The following IL16 variants were observed in gnomAD, a reference collection of about 807,000 sequenced individuals.
IL16 encodes interleukin 16.
A neutral mutation model predicts 110.1 loss-of-function variants in IL16; 67 were observed. The ratio of observed to expected loss-of-function variants is 0.61; its 90% CI spans 0.50 to 0.75. The LOEUF is 0.75. IL16 is among the 30% of genes least tolerant of loss of function. The pLI, the probability that IL16 is intolerant of heterozygous loss-of-function variation, is 0.00. For synonymous variants in IL16, 689 were observed against 662.9 expected (o/e 1.04, Z -0.61); for missense variants, 1,545 against 1,655.0 (o/e 0.93, Z 1.15).
intron 11 of IL16, among the ~76,000 whole-genome samples, chr15:81,291,623 AG>A (rs1899721189): frequency 6.6e-6 from 1 of 152,114 alleles, no homozygotes; most frequent in Non-Finnish European, 1.5e-5. Flanking sequence ...ATTTTAGGAA[AG>A]GGGCACCCTT....
chr15:81,240,037 G>A (rs778263269), intron 2 of IL16, among the ~76,000 whole-genome samples: 1 of 152,152 alleles, frequency 6.6e-6, no homozygotes, highest in South Asian at 2.1e-4. Flanking sequence ...CTACCATCTT[G>A]TCCTGGAATT....
At position 81,313,423 on chromosome 15, in the gene IL16, G is replaced by A. The variant is rs1178243476; in HGVS notation, c.*4625G>A. 6.6e-7 allele frequency: 1 copy of A among 1,515,496 alleles called. No homozygotes were observed. Among genetic ancestry groups the A allele is most frequent in the Admixed American group, 2.1e-5 (1 of 47,364 alleles). The allele number at this position is 1,515,496 out of a possible 1,614,324, so 93.9% of individuals were successfully genotyped here. ...GGTTCCCTGTGAAGGCAACAGCAGA[G>A]CTGTGTTATGATCTGCAGCAGAGGT... is the stretch of plus-strand genomic sequence containing the variant. On this transcript the variant is annotated 3_prime_UTR_variant, in exon 19 of 19. Coordinates refer to ENST00000683961, the MANE Select transcript of IL16 (RefSeq NM_172217.5).
In IL16 at chr15:81,300,062, C is replaced by T. The variant is rs370528528; in HGVS notation, c.2736C>T (p.Ser912=). Reference sequence around the variant, plus strand: ...TGTCCTCGGGGTCCCCTGCAGCCTCCGAGGCCAGAGACCCAGGTGTGTCTG... The same window carrying T: ...TGTCCTCGGGGTCCCCTGCAGCCTCTGAGGCCAGAGACCCAGGTGTGTCTG... ...QVLSSGSPAA[S]EARDPGVSES... The change falls in exon 14 of 19, where the codon TCC becomes TCT. Residue 912 remains serine (S), a synonymous_variant. Coordinates refer to ENST00000683961, the MANE Select transcript of IL16 (RefSeq NM_172217.5). The T allele has an allele frequency of 2.2e-5, 35 of 1,566,050 alleles. No homozygotes were observed. The highest frequency in any genetic ancestry group is 3.4e-4 in the Middle Eastern group (2 of 5,816).
chr15:81,276,917 C>T (rs1165297797), intron 6 of IL16, among the ~76,000 whole-genome samples: 1 of 151,974 alleles, frequency 6.6e-6, no homozygotes, highest in Non-Finnish European at 1.5e-5. Flanking sequence ...GGAGCGTTAG[C>T]CCTTAACAAC....
At chr15:81,201,278 C>A (rs937673243) in intron 1 of IL16, among the ~76,000 whole-genome samples, 2 of 151,920 alleles carry the variant, frequency 1.3e-5, no homozygotes, top group African/African-American at 4.8e-5. Flanking sequence ...CACCCACACA[C>A]ATGCACGCAC....
intron 10 of IL16, among the ~76,000 whole-genome samples, chr15:81,287,522 C>T (rs1409225911): frequency 6.6e-6 from 1 of 152,162 alleles, no homozygotes; most frequent in Admixed American, 6.5e-5. Flanking sequence ...GCATGTTTTT[C>T]AAAGATGTGA....
At chr15:81,209,048 A>T (rs1016810521) in intron 1 of IL16, among the ~76,000 whole-genome samples, 2 of 152,200 alleles carry the variant, frequency 1.3e-5, no homozygotes, top group African/African-American at 4.8e-5. Flanking sequence ...TATTATTTCT[A>T]TTTTAGCATG....
intron 18 of IL16, among the ~76,000 whole-genome samples, chr15:81,307,870 A>G (rs1232394768): frequency 1.3e-5 from 2 of 152,246 alleles, no homozygotes; most frequent in African/African-American, 2.4e-5. Context: ...TACACCCCTC[A>G]TAGGATTACT....
chr15:81,199,879 T>G (rs1047591813), intron 1 of IL16, among the ~76,000 whole-genome samples: 1 of 152,126 alleles, frequency 6.6e-6, no homozygotes, highest in Non-Finnish European at 1.5e-5. Context: ...ACAGACCTCT[T>G]GAGTAGGGCT....
intron 4 of IL16, 117 bp downstream of exon 4, chr15:81,265,918 A>C (rs572817565): frequency 4.4e-6 from 4 of 917,914 alleles, no homozygotes; most frequent in Non-Finnish European, 6.5e-6. Flanking sequence ...GCAGAACTAC[A>C]GAGGAGAGGG....
Position 81,306,103 on chromosome 15 carries a change from C to G in IL16, c.3616C>G (p.Leu1206Val). Reference protein sequence around the residue: ...RKLTPEAMPDLNSSTDSAASA... With the variant: ...RKLTPEAMPDVNSSTDSAASA... ...GCTGACTCCAGAGGCCATGCCCGACCTCAACTCCTCCACTGACTCTGCAGC... is the reference window on the plus strand; with the variant it reads ...GCTGACTCCAGAGGCCATGCCCGACGTCAACTCCTCCACTGACTCTGCAGC... The change falls in exon 17 of 19, where the codon CTC (leucine) becomes GTC (valine). Residue 1206 changes from leucine to valine, a missense_variant. This residue lies in a region of IL16 where 356 missense variants were observed against 399.3 expected (regional missense o/e 0.89). Transcript: ENST00000683961. 1 of 1,614,200 alleles carries G rather than the reference C, an allele frequency of 6.2e-7. No homozygotes were observed. Among genetic ancestry groups the G allele is most frequent in the South Asian group, 1.1e-5 (1 of 91,080 alleles).
At chr15:81,260,393 C>T (rs1040901462) in intron 3 of IL16, among the ~76,000 whole-genome samples, 1 of 152,202 alleles carries the variant, frequency 6.6e-6, no homozygotes, top group African/African-American at 2.4e-5. Context: ...CTATAAAAAA[C>T]TTCACACACG....
At chr15:81,242,099 T>TATATTTG (rs1183460050) in intron 2 of IL16, among the ~76,000 whole-genome samples, 1 of 152,140 alleles carries the variant, frequency 6.6e-6, no homozygotes, top group Non-Finnish European at 1.5e-5. Flanking sequence ...CTCTATTCTA[T>TATATTTG]GTATATCTCT....
intron 10 of IL16, chr15:81,290,122 A>G (rs1212519583): frequency 2.6e-6 from 1 of 380,500 alleles, no homozygotes; most frequent in Non-Finnish European, 4.8e-6. Flanking sequence ...TCATGACAGC[A>G]TTGCCAAGAA....
intron 2 of IL16, among the ~76,000 whole-genome samples, chr15:81,238,936 A>C (rs1473764874): frequency 2.0e-5 from 3 of 151,900 alleles, no homozygotes; most frequent in Non-Finnish European, 4.4e-5. Flanking sequence ...TGCTTAAAAA[A>C]ATGTGTCCTG....
chr15:81,267,985 G>A (rs1489849403), intron 4 of IL16, among the ~76,000 whole-genome samples: 2 of 152,224 alleles, frequency 1.3e-5, no homozygotes, highest in Non-Finnish European at 2.9e-5. Flanking sequence ...CCAGTCAAGT[G>A]GACACAGAAA....
At chr15:81,289,207 C>T (rs1054873984) in intron 10 of IL16, among the ~76,000 whole-genome samples, 3 of 152,138 alleles carry the variant, frequency 2.0e-5, no homozygotes, top group Admixed American at 6.5e-5. Context: ...AGCGCAGTGG[C>T]ACGATCTTGG....
chr15:81,277,346 G>T (rs551445898), intron 6 of IL16, among the ~76,000 whole-genome samples: 3 of 152,280 alleles, frequency 2.0e-5, no homozygotes, highest in Non-Finnish European at 2.9e-5. Flanking sequence ...CTTAAGGCAT[G>T]ATATTTCTGC....
At position 81,300,386 on chromosome 15, in the gene IL16, A is replaced by T; in HGVS notation, c.3060A>T (p.Glu1020Asp). 1 of 1,614,156 alleles carries T rather than the reference A, an allele frequency of 6.2e-7. No homozygotes were observed. The highest frequency in any genetic ancestry group is 8.5e-7 in the Non-Finnish European group (1 of 1,179,994). ...CCCAGACTCCCTGCATCCCCAAGGA[A>T]GGGGCATCTCCAACATCATCATCCA... Reference protein sequence around the residue: ...SCAQTPCIPKEGASPTSSSNE... With the variant: ...SCAQTPCIPKDGASPTSSSNE... Residue 1020 changes from glutamate to aspartate, a missense_variant, in exon 14 of 19, where the codon GAA becomes GAT. Around this residue, in one of 3 missense-constraint regions of IL16, gnomAD observed 356 missense variants for 399.3 expected, o/e 0.89. Coordinates refer to ENST00000683961, the MANE Select transcript of IL16 (RefSeq NM_172217.5).
Sources: gnomAD v4.1 joint callset for allele counts (sites outside exome capture counted in the v4.1 genomes callset) on GRCh38, gnomAD v4.1.1 for gene constraint, gnomAD v4.1.1 regional missense constraint, MANE v1.5 for transcripts, NCBI Gene and HGNC (gene_info 2026-07-23, HGNC 2026-07-21) for gene names.